KCNMA1: variants seen among roughly 807,000 people sequenced by gnomAD.
KCNMA1 encodes Calcium-activated potassium channel subunit alpha-1.
KCNMA1 carries 29 observed loss-of-function variants against 140.0 expected under a neutral mutation model. That is an observed-to-expected ratio of 0.21 (90% CI 0.15 to 0.28). KCNMA1 has a LOEUF of 0.28. Among genes scored for constraint, KCNMA1 ranks in the 10% least tolerant of loss-of-function variants. The probability of loss-of-function intolerance (pLI) is 1.00; values close to 1 mark genes in which losing one functional copy is unlikely to be tolerated. For missense variants in KCNMA1, 880 were observed against 1,602.2 expected, an observed-to-expected ratio of 0.55 and a Z score of 7.70; for synonymous variants, 612 against 611.9, an observed-to-expected ratio of 1.00 and a Z score of 0.00.
intron 8 of KCNMA1, among the ~76,000 whole-genome samples, chr10:77,109,476 A>G (rs2097268730): frequency 6.6e-6 from 1 of 152,226 alleles, no homozygotes; most frequent in Non-Finnish European, 1.5e-5. Flanking sequence ...GTGTGGCCAG[A>G]AATCCCCTCG....
intron 1 of KCNMA1, among the ~76,000 whole-genome samples, chr10:77,626,688 G>A (rs1344206579): frequency 6.6e-6 from 1 of 152,110 alleles, no homozygotes; most frequent in African/African-American, 2.4e-5. Flanking sequence ...AGCACACAAA[G>A]AACATCTCCC....
intron 2 of KCNMA1, among the ~76,000 whole-genome samples, chr10:77,310,273 C>A (rs1253614845): frequency 1.3e-5 from 2 of 152,170 alleles, no homozygotes; most frequent in Non-Finnish European, 2.9e-5. Context: ...AGTGCCCCCT[C>A]AGCTGCCCCT....
intron 2 of KCNMA1, among the ~76,000 whole-genome samples, chr10:77,356,858 G>T (rs966098129): frequency 6.6e-6 from 1 of 152,160 alleles, no homozygotes; most frequent in Non-Finnish European, 1.5e-5. Flanking sequence ...TCCTGGCTGT[G>T]GTGATTGGTT....
At position 76,885,805 on chromosome 10, in the gene KCNMA1, T is replaced by C; in HGVS notation, c.*1461A>G. On this transcript the variant is annotated 3_prime_UTR_variant, in exon 28 of 28. Coordinates refer to ENST00000286628, the MANE Select transcript of KCNMA1 (RefSeq NM_001161352.2). Reference sequence around the variant, plus strand: ...CTATATGTTGAAAAAAGGGTATTTTTCTACCTCTCCTCTCATGCTTACTAA... The same window carrying C: ...CTATATGTTGAAAAAAGGGTATTTTCCTACCTCTCCTCTCATGCTTACTAA... 2 of 985,176 alleles carry C rather than the reference T, an allele frequency of 2.0e-6. No homozygotes were observed. Among genetic ancestry groups the C allele is most frequent in the Non-Finnish European group, 2.4e-6 (2 of 829,712 alleles). 61.0% of individuals were successfully genotyped at this position (985,176 alleles called of 1,614,324 possible).
chr10:77,061,010 G>T (rs2095723714), intron 14 of KCNMA1, among the ~76,000 whole-genome samples: 1 of 152,010 alleles, frequency 6.6e-6, no homozygotes, highest in African/African-American at 2.4e-5. Flanking sequence ...CTCCAGAAAA[G>T]GAAGGAAAAA....
intron 1 of KCNMA1, among the ~76,000 whole-genome samples, chr10:77,404,321 C>A (rs981383708): frequency 6.6e-6 from 1 of 152,050 alleles, no homozygotes; most frequent in Non-Finnish European, 1.5e-5. Flanking sequence ...CTCTGTCACC[C>A]AGGCTGGAGT....
At chr10:76,974,988 T>C (rs2077062740) in intron 19 of KCNMA1, among the ~76,000 whole-genome samples, 1 of 152,184 alleles carries the variant, frequency 6.6e-6, no homozygotes, top group Admixed American at 6.5e-5. Context: ...TGATAAACTT[T>C]TGCTGTCTGT....
intron 9 of KCNMA1, among the ~76,000 whole-genome samples, chr10:77,102,389 C>T (rs1023172381): frequency 6.6e-6 from 1 of 152,136 alleles, no homozygotes; most frequent in Admixed American, 6.5e-5. Context: ...TGTGCGCTCT[C>T]AGGAAGGAAC....
chr10:77,460,684 T>C (rs1307190678), intron 1 of KCNMA1, among the ~76,000 whole-genome samples: 1 of 152,122 alleles, frequency 6.6e-6, no homozygotes, highest in Non-Finnish European at 1.5e-5. Flanking sequence ...CAGAAAGTGA[T>C]GGGTACACTA....
chr10:77,036,892 T>C (rs950121898), intron 15 of KCNMA1, among the ~76,000 whole-genome samples: 13 of 152,210 alleles, frequency 8.5e-5, no homozygotes, highest in African/African-American at 3.1e-4. Context: ...AGAGCTTCAA[T>C]GTTTTGGGAT....
chr10:76,892,160 C>T (rs1371183574), intron 25 of KCNMA1, among the ~76,000 whole-genome samples: 2 of 152,124 alleles, frequency 1.3e-5, no homozygotes, highest in Non-Finnish European at 2.9e-5. Context: ...AGCTTCCTCC[C>T]CACGACAACG....
At chr10:77,142,825 GA>G (rs146755584) in intron 5 of KCNMA1, among the ~76,000 whole-genome samples, 2,621 of 152,232 alleles carry the variant, frequency 0.017, 84 homozygotes, top group African/African-American at 0.06. Context: ...ACACCCTGAT[GA>G]AATGAACAAA....
intron 19 of KCNMA1, among the ~76,000 whole-genome samples, chr10:76,986,050 C>T (rs952988849): frequency 3.9e-5 from 6 of 152,104 alleles, no homozygotes; most frequent in African/African-American, 1.4e-4. Flanking sequence ...TCCTATGTTG[C>T]CCTGATTTGA....
chr10:77,552,411 C>T (rs2063073760), intron 1 of KCNMA1, among the ~76,000 whole-genome samples: 2 of 152,166 alleles, frequency 1.3e-5, no homozygotes, highest in Admixed American at 6.5e-5. Context: ...AGTGCATAAA[C>T]ACATTTCAGG....
intron 5 of KCNMA1, among the ~76,000 whole-genome samples, chr10:77,128,625 A>G (rs1399968032): frequency 6.6e-6 from 1 of 152,148 alleles, no homozygotes; most frequent in Non-Finnish European, 1.5e-5. Flanking sequence ...GTTAAGAAGC[A>G]TTGCAAACTT....
chr10:76,941,491 G>A (rs1398743563), intron 23 of KCNMA1, among the ~76,000 whole-genome samples: 1 of 152,162 alleles, frequency 6.6e-6, no homozygotes, highest in Non-Finnish European at 1.5e-5. Context: ...TGTGTTGATG[G>A]CTCCCACTGG....
intron 1 of KCNMA1, among the ~76,000 whole-genome samples, chr10:77,573,836 C>A (rs1438584308): frequency 7.5e-6 from 1 of 133,718 alleles, no homozygotes; most frequent in Non-Finnish European, 1.6e-5. Context: ...TTATAATACT[C>A]TTTTTTTTTT....
At chr10:77,635,597 T>C (rs1177943626) in intron 1 of KCNMA1, 2 of 152,224 alleles carry the variant, frequency 1.3e-5, no homozygotes, top group Non-Finnish European at 2.9e-5. Flanking sequence ...AGGAATAAGC[T>C]GTTCTCAGCA....
At chr10:77,457,879 A>T (rs934957295) in intron 1 of KCNMA1, among the ~76,000 whole-genome samples, 1 of 152,094 alleles carries the variant, frequency 6.6e-6, no homozygotes, top group African/African-American at 2.4e-5. Flanking sequence ...CAGGAAAAAA[A>T]GTTATATAGG....
Sources: allele counts gnomAD v4.1 joint callset (sites outside exome capture counted in the v4.1 genomes callset), GRCh38; gene constraint gnomAD v4.1.1; transcripts MANE v1.5; gene names NCBI Gene and HGNC (gene_info 2026-07-23, HGNC 2026-07-21).